ALK: variants seen among roughly 807,000 people sequenced by gnomAD.
ALK encodes ALK receptor tyrosine kinase, also known as ALK tyrosine kinase receptor.
Under a neutral mutation model 163.1 loss-of-function variants are expected in ALK, and 74 were observed. The ratio of observed to expected loss-of-function variants is 0.45; its 90% CI spans 0.38 to 0.55. The LOEUF is 0.55. ALK is among the 20% of genes least tolerant of loss of function. The pLI is 0.00. For synonymous variants in ALK, 960 were observed against 843.2 expected, an observed-to-expected ratio of 1.14 and a Z score of -2.40; for missense variants, 2,063 against 2,105.3, an observed-to-expected ratio of 0.98 and a Z score of 0.39.
intron 11 of ALK, among the ~76,000 whole-genome samples, chr2:29,254,235 T>A (rs1664897834): frequency 1.3e-5 from 2 of 152,228 alleles, no homozygotes; most frequent in Non-Finnish European, 1.5e-5. Context: ...TTAGCCAGTC[T>A]CAGGCATGTC....
intron 5 of ALK, among the ~76,000 whole-genome samples, chr2:29,368,333 T>C (rs1307076452): frequency 6.6e-6 from 1 of 152,230 alleles, no homozygotes; most frequent in East Asian, 1.9e-4. Flanking sequence ...AAATGGTGGC[T>C]GTGTGACTTC....
intron 3 of ALK, among the ~76,000 whole-genome samples, chr2:29,619,202 G>T (rs1243676868): frequency 6.6e-6 from 1 of 152,120 alleles, no homozygotes; most frequent in East Asian, 1.9e-4. Context: ...GGAAACAATG[G>T]GTGGAAGTTG....
At chr2:29,523,748 C>A (rs1672876431) in intron 4 of ALK, among the ~76,000 whole-genome samples, 2 of 152,038 alleles carry the variant, frequency 1.3e-5, no homozygotes, top group South Asian at 2.1e-4. Flanking sequence ...GGTGTTCAAT[C>A]CATCAAACAT....
intron 4 of ALK, among the ~76,000 whole-genome samples, chr2:29,513,983 T>C (rs1335412701): frequency 8.8e-6 from 1 of 113,362 alleles, no homozygotes; most frequent in Non-Finnish European, 1.9e-5. Flanking sequence ...TGGCAATCAT[T>C]AAAAAGTTAG....
At position 29,829,862 on chromosome 2, in the gene ALK, T is replaced by C. The variant is rs1665315226; in HGVS notation, c.667+90131A>G. Reference sequence around the variant, plus strand: ...AGCTCTCTCCCTACTGGACTTTGATTTCTCTTTTTAGTGGCTACACAGCAA... The same window carrying C: ...AGCTCTCTCCCTACTGGACTTTGATCTCTCTTTTTAGTGGCTACACAGCAA... On this transcript the variant is annotated intron_variant, in intron 1 of 28. Coordinates refer to ENST00000389048, the MANE Select transcript of ALK (RefSeq NM_004304.5). 2.0e-5 allele frequency among the ~76,000 whole-genome samples: 3 copies of C among 152,222 alleles called. No homozygotes were observed. In the South Asian group the frequency reaches 6.2e-4, roughly 32 times the overall value.
intron 4 of ALK, among the ~76,000 whole-genome samples, chr2:29,454,703 C>CT (rs563850009): frequency 6.6e-6 from 1 of 151,692 alleles, no homozygotes; most frequent in African/African-American, 2.4e-5. Flanking sequence ...AACAAAAAAC[C>CT]AAAAACCTTA....
chr2:29,774,735 C>T (rs867588621), intron 1 of ALK, among the ~76,000 whole-genome samples: 4 of 152,158 alleles, frequency 2.6e-5, no homozygotes, highest in East Asian at 3.9e-4. Flanking sequence ...CAGTAGAATG[C>T]GAAAGGCACC....
chr2:29,509,354 G>C (rs1322043399), intron 4 of ALK, among the ~76,000 whole-genome samples: 1 of 152,160 alleles, frequency 6.6e-6, no homozygotes, highest in African/African-American at 2.4e-5. Flanking sequence ...AAGGCTTAAG[G>C]AGAACAGGGG....
At chr2:29,462,481 G>A (rs1671107463) in intron 4 of ALK, among the ~76,000 whole-genome samples, 1 of 152,126 alleles carries the variant, frequency 6.6e-6, no homozygotes, top group Admixed American at 6.5e-5. Context: ...CACCAACATT[G>A]AGGTCAGACC....
At chr2:29,334,295 G>A (rs1667543931) in intron 5 of ALK, among the ~76,000 whole-genome samples, 1 of 152,204 alleles carries the variant, frequency 6.6e-6, no homozygotes, top group African/African-American at 2.4e-5. Context: ...TCACCTTCAA[G>A]AGCCTCAGAC....
chr2:29,844,896 CACACACACAGT>C (rs1350414532), intron 1 of ALK, among the ~76,000 whole-genome samples: 1 of 150,370 alleles, frequency 6.7e-6, no homozygotes, highest in East Asian at 2.0e-4. Flanking sequence ...CACAGAGGCA[CACACACACAGT>C]ACACACACTG....
At chr2:29,684,590 G>A (rs973622738) in intron 3 of ALK, among the ~76,000 whole-genome samples, 2 of 152,202 alleles carry the variant, frequency 1.3e-5, no homozygotes, top group African/African-American at 4.8e-5. Context: ...GTGACAGTGG[G>A]CTTCCCAAGA....
intron 1 of ALK, among the ~76,000 whole-genome samples, chr2:29,919,679 C>T (rs571540656): frequency 6.6e-6 from 1 of 152,248 alleles, no homozygotes; most frequent in South Asian, 2.1e-4. Flanking sequence ...TCAACTGTCC[C>T]GGGGCCCAGG....
At chr2:29,225,359 A>G (rs2148176034) in intron 19 of ALK, 102 bp downstream of exon 19, 1 of 1,078,474 alleles carries the variant, frequency 9.3e-7, no homozygotes. Flanking sequence ...TCCAGGGACT[A>G]GCATAACGAA....
chr2:29,394,471 TGAGCATCCCTCACCAG>T (rs972221996), intron 4 of ALK, among the ~76,000 whole-genome samples: 26 of 152,338 alleles, frequency 1.7e-4, no homozygotes, highest in Middle Eastern at 3.4e-3. Context: ...CAGCATCTGC[TGAGCATCCCTCACCAG>T]GGAGCTGTGG....
intron 1 of ALK, among the ~76,000 whole-genome samples, chr2:29,841,830 G>T (rs1665709301): frequency 6.6e-6 from 1 of 152,100 alleles, no homozygotes; most frequent in Non-Finnish European, 1.5e-5. Flanking sequence ...GGCCTTATCT[G>T]ACCCTTCTTC....
rs536264773 is a variant in ALK, at chr2:29,611,845, A to C, written c.953-79729T>G. Reference sequence around the variant, plus strand: ...GATTGTAAGTTTCCTGAGGTCTGGCAGTCATGCTTCCTGTGAAGCCTGCAG... The same window carrying C: ...GATTGTAAGTTTCCTGAGGTCTGGCCGTCATGCTTCCTGTGAAGCCTGCAG... On this transcript the variant is annotated intron_variant, in intron 3 of 28. Transcript: ENST00000389048. Among the ~76,000 whole-genome samples, 12 of 152,306 alleles carry C rather than the reference A, an allele frequency of 7.9e-5. No homozygotes were observed. In the South Asian group the frequency reaches 2.3e-3, roughly 29 times the overall value.
At chr2:29,215,419 TGA>T (rs1669575646) in intron 23 of ALK, among the ~76,000 whole-genome samples, 1 of 152,122 alleles carries the variant, frequency 6.6e-6, no homozygotes, top group Non-Finnish European at 1.5e-5. Context: ...GGGAGACAAC[TGA>T]GAGTGGATAG....
At chr2:29,919,868 A>T (rs1667940066) in intron 1 of ALK, 125 bp downstream of exon 1, 1 of 1,202,644 alleles carries the variant, frequency 8.3e-7, no homozygotes, top group South Asian at 1.5e-5. Flanking sequence ...TTGCGGGAGG[A>T]AGGAGGGCGA....
Sources: allele counts gnomAD v4.1 joint callset (sites outside exome capture counted in the v4.1 genomes callset), GRCh38; gene constraint gnomAD v4.1.1; transcripts MANE v1.5; gene names NCBI Gene and HGNC (gene_info 2026-07-23, HGNC 2026-07-21).